GRAMD1B: variants seen among roughly 807,000 people sequenced by gnomAD.
The protein encoded by GRAMD1B is GRAM domain containing 1B.
In GRAMD1B, 37 loss-of-function variants were observed where a neutral mutation model predicts 99.7. The observed-to-expected ratio is 0.37, with a 90% CI of 0.29 to 0.49. The LOEUF is 0.49. GRAMD1B is among the 20% of genes least tolerant of loss of function. The probability of loss-of-function intolerance (pLI) is 0.98; values close to 1 mark genes in which losing one functional copy is unlikely to be tolerated. For missense variants in GRAMD1B, 888 were observed against 1,009.2 expected (o/e 0.88, Z 1.63); for synonymous variants, 427 against 387.6 (o/e 1.10, Z -1.19).
intron 1 of GRAMD1B, among the ~76,000 whole-genome samples, chr11:123,467,416 T>C (rs73025952): frequency 2.9e-5 from 4 of 139,362 alleles, no homozygotes; most frequent in African/African-American, 1.1e-4. Flanking sequence ...TTTTTTTTTT[T>C]ACTGACTTTC....
chr11:123,441,959 TAAGGG>T (rs138698163), intron 1 of GRAMD1B, among the ~76,000 whole-genome samples: 91 of 152,294 alleles, frequency 6.0e-4, no homozygotes, highest in Middle Eastern at 3.4e-3. Flanking sequence ...TTCTAGAAGG[TAAGGG>T]AGAGTGTTAG....
At chr11:123,560,898 G>C (rs1946694332) in intron 2 of GRAMD1B, among the ~76,000 whole-genome samples, 1 of 152,162 alleles carries the variant, frequency 6.6e-6, no homozygotes, top group South Asian at 2.1e-4. Flanking sequence ...TCAAGGCAGA[G>C]TAAATCCGGA....
chr11:123,603,324 GTTTCTCCT>G lies in GRAMD1B; in HGVS notation c.1051-101_1051-94del, dbSNP rs1443169300. 2.6e-5 allele frequency: 19 copies of G among 721,032 alleles called. No individual in the cohort carries two copies. In the African/African-American group the frequency reaches 3.2e-4, roughly 12 times the overall value. 44.7% of individuals were successfully genotyped at this position (721,032 alleles called of 1,614,324 possible). A position where few individuals can be genotyped will look rare whatever the true frequency, so the allele number is the denominator to read the frequency against. The stretch of plus-strand genomic sequence containing the variant: ...CTCTCATTCAGCTAAGGAGAGAGGA[GTTTCTCCT>G]CTTCTCCAGGGGAACCAGCCCGGCT... On this transcript the variant is annotated intron_variant, in intron 8 of 19. Transcript: ENST00000635736.
chr11:123,602,849 G>A (rs542235284), intron 8 of GRAMD1B, among the ~76,000 whole-genome samples: 1 of 152,308 alleles, frequency 6.6e-6, no homozygotes, highest in Non-Finnish European at 1.5e-5. Flanking sequence ...GACCTGTAAG[G>A]TTCCTAAAAC....
intron 1 of GRAMD1B, among the ~76,000 whole-genome samples, chr11:123,469,149 G>A (rs1421831431): frequency 6.6e-6 from 1 of 152,026 alleles, no homozygotes; most frequent in Non-Finnish European, 1.5e-5. Context: ...GGAGTGGAGA[G>A]CGGAGGTGAC....
At chr11:123,373,881 G>A (rs1946610073) in intron 1 of GRAMD1B, among the ~76,000 whole-genome samples, 1 of 152,192 alleles carries the variant, frequency 6.6e-6, no homozygotes, top group South Asian at 2.1e-4. Flanking sequence ...CATTTTGGAG[G>A]ATTGTTTTCT....
chr11:123,463,274 A>G (rs1440030613), intron 1 of GRAMD1B, among the ~76,000 whole-genome samples: 1 of 152,178 alleles, frequency 6.6e-6, no homozygotes, highest in Non-Finnish European at 1.5e-5. Context: ...TGGCTTCCCA[A>G]ATTGCTGGGA....
intron 1 of GRAMD1B, among the ~76,000 whole-genome samples, chr11:123,405,694 C>T (rs1205912280): frequency 7.9e-5 from 12 of 152,242 alleles, no homozygotes; most frequent in South Asian, 2.1e-4. Flanking sequence ...TGATCACTCT[C>T]GTTCTCTTTA....
intron 2 of GRAMD1B, among the ~76,000 whole-genome samples, chr11:123,573,535 T>G (rs1395480044): frequency 6.6e-6 from 1 of 152,168 alleles, no homozygotes; most frequent in Non-Finnish European, 1.5e-5. Flanking sequence ...AAAATGAGCT[T>G]GACAATCAGA....
rs555624417 is a variant in GRAMD1B, at chr11:123,446,967, G to C, written c.374+15801G>C. Among the ~76,000 whole-genome samples, 5 of 152,114 alleles carry C rather than the reference G, an allele frequency of 3.3e-5. No individual in the cohort carries two copies. In the South Asian group the frequency reaches 1.0e-3, roughly 32 times the overall value. ...AAAGAAAGGGAGAAAGAGAGAAAGA[G>C]AAAGAGAGGCAAGAAAGGCAGGAAA... On this transcript the variant is annotated intron_variant, in intron 1 of 19. Transcript: ENST00000635736.
intron 1 of GRAMD1B, among the ~76,000 whole-genome samples, chr11:123,461,764 T>C (rs112249715): frequency 0.042 from 6,288 of 150,118 alleles, 161 homozygotes; most frequent in Middle Eastern, 0.071. Flanking sequence ...ACCACCACAC[T>C]CGGCTAATTT....
chr11:123,451,181 A>G (rs1011743283), intron 1 of GRAMD1B, among the ~76,000 whole-genome samples: 1 of 152,188 alleles, frequency 6.6e-6, no homozygotes, highest in African/African-American at 2.4e-5. Flanking sequence ...ACAATTTACC[A>G]GGCCATGGGC....
chr11:123,457,975 C>A (rs2134449173), intron 1 of GRAMD1B, among the ~76,000 whole-genome samples: 1 of 152,326 alleles, frequency 6.6e-6, no homozygotes, highest in South Asian at 2.1e-4. Flanking sequence ...CTCGGCCTCC[C>A]AAAATGTTGG....
chr11:123,524,778 G>A (rs1942535619), intron 2 of GRAMD1B, among the ~76,000 whole-genome samples: 1 of 152,202 alleles, frequency 6.6e-6, no homozygotes, highest in Non-Finnish European at 1.5e-5. Context: ...TTTGGAGCAA[G>A]TTTCTGGGTA....
intron 1 of GRAMD1B, among the ~76,000 whole-genome samples, chr11:123,421,758 G>T (rs961427994): frequency 6.6e-6 from 1 of 152,194 alleles, no homozygotes; most frequent in Admixed American, 6.5e-5. Flanking sequence ...CCTGGAAAAG[G>T]TGACATGTTT....
intron 1 of GRAMD1B, among the ~76,000 whole-genome samples, chr11:123,362,874 G>T (rs918943308): frequency 1.3e-5 from 2 of 152,146 alleles, no homozygotes; most frequent in African/African-American, 4.8e-5. Flanking sequence ...CAGCCCTGGT[G>T]AGGGTGCTGG....
chr11:123,596,915 C>A (rs1223824438), intron 7 of GRAMD1B, among the ~76,000 whole-genome samples: 1 of 152,090 alleles, frequency 6.6e-6, no homozygotes, highest in Non-Finnish European at 1.5e-5. Flanking sequence ...GATCCTGGGG[C>A]AGCTGCTCAA....
At position 123,610,450 on chromosome 11, in the gene GRAMD1B, CTT is replaced by C. The variant is rs1953387018; in HGVS notation, c.1919+114_1919+115del. On this transcript the variant is annotated intron_variant, in intron 14 of 19. Transcript: ENST00000635736. The surrounding 1 kb of genome is among the most constrained non-coding windows in gnomAD (Gnocchi z 4.1). ...TGGGGAGTGCTTGGCTGCTGACTCTCTTTATTCTACTTTCTCTCCGAAGCCTT... is the reference window on the plus strand; with the variant it reads ...TGGGGAGTGCTTGGCTGCTGACTCTCTATTCTACTTTCTCTCCGAAGCCTT... 37 of 989,372 alleles carry C rather than the reference CTT, an allele frequency of 3.7e-5. No homozygotes were observed. The South Asian group carries it at 5.0e-4, about 13-fold the overall frequency. The allele number at this position is 989,372 out of a possible 1,614,324, so 61.3% of individuals were successfully genotyped here.
In GRAMD1B at chr11:123,579,803, T is replaced by C. The variant is rs549170293; in HGVS notation, c.663+2226T>C. On this transcript the variant is annotated intron_variant, in intron 3 of 19. Transcript: ENST00000635736. ...AAGCTCCGAGGTAGGATAAATCATTTGAGTGGGGCAGCCAGGACAGGCGTC... is the reference window on the plus strand; with the variant it reads ...AAGCTCCGAGGTAGGATAAATCATTCGAGTGGGGCAGCCAGGACAGGCGTC... Among the ~76,000 whole-genome samples the C allele has an allele frequency of 2.0e-5, 3 of 152,232 alleles. No homozygotes were observed. In the South Asian group the frequency reaches 6.2e-4, roughly 32 times the overall value.
Sources: gnomAD v4.1 joint callset for allele counts (sites outside exome capture counted in the v4.1 genomes callset) on GRCh38, gnomAD v4.1.1 for gene constraint, Gnocchi (gnomAD v3.1) non-coding constraint, MANE v1.5 for transcripts, NCBI Gene and HGNC (gene_info 2026-07-23, HGNC 2026-07-21) for gene names.